TCERG1L: variants seen among roughly 807,000 people sequenced by gnomAD.
The protein encoded by TCERG1L is transcription elongation regulator 1 like, also known as transcription elongation regulator 1-like protein.
TCERG1L carries 37 observed loss-of-function variants against 56.3 expected under a neutral mutation model. The ratio of observed to expected loss-of-function variants is 0.66; its 90% confidence interval spans 0.51 to 0.87. The LOEUF is 0.87. Ranked by LOEUF, TCERG1L falls within the 40% of genes least tolerant of loss-of-function variation. TCERG1L has a pLI of 0.00. For synonymous variants in TCERG1L, 324 were observed against 326.3 expected (o/e 0.99, Z 0.08); for missense variants, 799 against 774.2 (o/e 1.03, Z -0.38).
chr10:131,142,235 C>A (rs2133411238), intron 7 of TCERG1L, among the ~76,000 whole-genome samples: 1 of 152,334 alleles, frequency 6.6e-6, no homozygotes, highest in African/African-American at 2.4e-5. Context: ...TGGGCAGAGC[C>A]TCCCACATCG....
chr10:131,229,688 C>T (rs1178983834), intron 4 of TCERG1L, among the ~76,000 whole-genome samples: 2 of 151,838 alleles, frequency 1.3e-5, no homozygotes, highest in African/African-American at 4.8e-5. Context: ...GAATAGTTAC[C>T]TCCTAAATAT....
rs138101414 is a variant in TCERG1L at position 131,109,206 on chromosome 10, T to C, written c.1396-4852A>G. Among the ~76,000 whole-genome samples, 386 of 152,350 alleles carry C rather than the reference T, an allele frequency of 2.5e-3. 1 individual carries two copies. The highest frequency in any genetic ancestry group is 4.1e-3 in the Admixed American group (62 of 15,306). On this transcript the variant is annotated intron_variant, in intron 9 of 11. Coordinates refer to ENST00000368642, the MANE Select transcript of TCERG1L (RefSeq NM_174937.4). ...ACACTTCTTTGATTCTTTGGCATTT[T>C]ATTTGTGACTTGATCCTTAAAGACC...
At chr10:131,193,279 T>C (rs1435392253) in intron 4 of TCERG1L, among the ~76,000 whole-genome samples, 2 of 152,354 alleles carry the variant, frequency 1.3e-5, no homozygotes, top group African/African-American at 2.4e-5. Context: ...AGATTAATCA[T>C]TTGCGAATAC....
intron 4 of TCERG1L, among the ~76,000 whole-genome samples, chr10:131,245,464 C>T (rs1846021868): frequency 1.3e-5 from 2 of 152,062 alleles, no homozygotes; most frequent in South Asian, 4.2e-4. Flanking sequence ...TCCTAAAAGC[C>T]CACAGTCACT....
At chr10:131,192,673 T>C (rs1040343169) in intron 4 of TCERG1L, among the ~76,000 whole-genome samples, 1 of 144,760 alleles carries the variant, frequency 6.9e-6, no homozygotes, top group South Asian at 2.1e-4. Flanking sequence ...CACTCAGCCA[T>C]GAAAAGGAAT....
chr10:131,254,753 A>G (rs2133536638), intron 4 of TCERG1L, among the ~76,000 whole-genome samples: 1 of 152,338 alleles, frequency 6.6e-6, no homozygotes, highest in East Asian at 1.9e-4. Flanking sequence ...GGTGTGAGGC[A>G]CGAACTCCTG....
intron 4 of TCERG1L, among the ~76,000 whole-genome samples, chr10:131,230,137 C>G (rs1292179919): frequency 1.3e-5 from 2 of 152,194 alleles, no homozygotes; most frequent in African/African-American, 4.8e-5. Context: ...CAGCCCGGCT[C>G]CAGCAGGTGT....
chr10:131,290,662 T>A (rs1038670704), intron 3 of TCERG1L, among the ~76,000 whole-genome samples: 1 of 150,022 alleles, frequency 6.7e-6, no homozygotes, highest in African/African-American at 2.4e-5. Context: ...ACCTTAACAT[T>A]AAAACAAAAC....
At chr10:131,284,373 T>C (rs1170059796) in intron 3 of TCERG1L, among the ~76,000 whole-genome samples, 1 of 151,704 alleles carries the variant, frequency 6.6e-6, no homozygotes, top group African/African-American at 2.4e-5. Context: ...ATAACAAAAA[T>C]AGTACATTAA....
rs777329775 is a variant in TCERG1L at position 131,146,617 on chromosome 10, G to C, written c.1078C>G (p.Pro360Ala). The C allele has an allele frequency of 6.8e-6, 11 of 1,613,746 alleles. No homozygotes were observed. In the South Asian group the frequency reaches 1.2e-4, roughly 18 times the overall value. ...TCCCAGACAGACAGGTGCATCGTTGGGTTGAAGAAGAAAACTCGGTCATCG... is the reference window on the plus strand; with the variant it reads ...TCCCAGACAGACAGGTGCATCGTTGCGTTGAAGAAGAAAACTCGGTCATCG... The part of the protein sequence containing the change: ...TGDDRVFFFN[P>A]TMHLSVWEKP... Residue 360 changes from proline to alanine, a missense_variant, in exon 7 of 12, where the codon CCA (proline) becomes GCA (alanine). By Grantham distance (27) the Pro-to-Ala change is conservative. Coordinates refer to ENST00000368642, the MANE Select transcript of TCERG1L (RefSeq NM_174937.4).
intron 6 of TCERG1L, among the ~76,000 whole-genome samples, chr10:131,152,448 C>T (rs1845875423): frequency 6.6e-6 from 1 of 152,232 alleles, no homozygotes; most frequent in East Asian, 1.9e-4. Context: ...ACTTCATTGT[C>T]TATATCACTG....
rs761036607 is a variant in TCERG1L, at chr10:131,171,179, C to CAAAA, written c.857-4298_857-4295dup. ...CAAAAACAAAAACAAAAACACACAC[C>CAAAA]AAAAAAAAGAAGAAAGAAAAAAAGA... On this transcript the variant is annotated intron_variant, in intron 4 of 11. Coordinates refer to ENST00000368642, the MANE Select transcript of TCERG1L (RefSeq NM_174937.4). Among the ~76,000 whole-genome samples, 371 of 98,500 alleles carry CAAAA rather than the reference C, an allele frequency of 3.8e-3. 1 individual carries two copies. Among genetic ancestry groups the CAAAA allele is most frequent in the Admixed American group, 3.6e-3 (42 of 11,552 alleles). 64.6% of individuals were successfully genotyped at this position (98,500 alleles called of 152,430 possible).
At chr10:131,099,228 G>A (rs1201839553) in intron 10 of TCERG1L, among the ~76,000 whole-genome samples, 6 of 152,198 alleles carry the variant, frequency 3.9e-5, no homozygotes, top group African/African-American at 1.4e-4. Context: ...CAAGGCCCCA[G>A]GGCACTTCTC....
intron 3 of TCERG1L, among the ~76,000 whole-genome samples, chr10:131,305,917 A>G (rs993934636): frequency 1.3e-5 from 2 of 150,732 alleles, no homozygotes; most frequent in Non-Finnish European, 2.9e-5. Context: ...TTTATAATAT[A>G]TATTTGTGAT....
intron 6 of TCERG1L, among the ~76,000 whole-genome samples, chr10:131,155,783 C>T (rs1275194605): frequency 6.6e-6 from 1 of 152,168 alleles, no homozygotes; most frequent in Non-Finnish European, 1.5e-5. Flanking sequence ...GGAGGTGGCA[C>T]AGCCCACGGC....
chr10:131,121,627 C>A (rs1845513846), intron 8 of TCERG1L, among the ~76,000 whole-genome samples: 1 of 152,254 alleles, frequency 6.6e-6, no homozygotes, highest in African/African-American at 2.4e-5. Context: ...GCTCTCCCAG[C>A]TGCAGCCCTG....
At chr10:131,216,019 C>G (rs556106152) in intron 4 of TCERG1L, among the ~76,000 whole-genome samples, 1 of 152,174 alleles carries the variant, frequency 6.6e-6, no homozygotes, top group African/African-American at 2.4e-5. Context: ...AGGACCTGAC[C>G]AGCCACAGGG....
chr10:131,119,771 C>T (rs1176801483), intron 8 of TCERG1L, among the ~76,000 whole-genome samples: 1 of 152,316 alleles, frequency 6.6e-6, no homozygotes, highest in South Asian at 2.1e-4. Context: ...ATAGCTCAAC[C>T]CACGGTTTTC....
chr10:131,289,615 CTG>C lies in TCERG1L; in HGVS notation c.670+18594_670+18595del, dbSNP rs1312573044. Among the ~76,000 whole-genome samples the C allele has an allele frequency of 3.8e-5, 2 of 52,954 alleles. 1 individual carries two copies. The highest frequency in any genetic ancestry group is 1.0e-4 in the African/African-American group (2 of 19,822). 34.7% of individuals were successfully genotyped at this position (52,954 alleles called of 152,430 possible). On this transcript the variant is annotated intron_variant, in intron 3 of 11. Transcript: ENST00000368642. The stretch of plus-strand genomic sequence containing the variant: ...TCAATGTGAGTGTATGTGTGCACCG[CTG>C]TGTGTGAGGTGTGCACTGCCTCCAT...
Sources: gnomAD v4.1 joint callset for allele counts (sites outside exome capture counted in the v4.1 genomes callset) on GRCh38, gnomAD v4.1.1 for gene constraint, MANE v1.5 for transcripts, NCBI Gene and HGNC (gene_info 2026-07-23, HGNC 2026-07-21) for gene names.